The following MTCL1 variants were observed in gnomAD, a reference collection of about 807,000 sequenced individuals.
MTCL1 encodes the protein microtubule cross-linking factor 1.
Under a neutral mutation model 141.4 loss-of-function variants are expected in MTCL1, and 79 were observed. That is an observed-to-expected ratio of 0.56 (90% confidence interval 0.47 to 0.67). MTCL1 has a LOEUF of 0.67. MTCL1 is among the 30% of genes least tolerant of loss of function. The pLI, the probability that MTCL1 is intolerant of heterozygous loss-of-function variation, is 0.00. For synonymous variants in MTCL1, 914 were observed against 875.8 expected (o/e 1.04, Z -0.77); for missense variants, 2,177 against 2,113.9 (o/e 1.03, Z -0.59).
chr18:8,829,723 G>A (rs2077136535), intron 16 of MTCL1: 1 of 985,256 alleles, frequency 1.0e-6, no homozygotes, highest in Non-Finnish European at 1.2e-6. Context: ...ATGAAAAGAT[G>A]ACAGGGAACA....
At chr18:8,797,390 A>T (rs28378610) in intron 9 of MTCL1, among the ~76,000 whole-genome samples, 1,751 of 152,266 alleles carry the variant, frequency 0.011, 37 homozygotes, top group African/African-American at 0.04. Flanking sequence ...CAGAAGCGAG[A>T]TCTTTGCCTT....
At chr18:8,785,012 G>T (rs991827308) in intron 6 of MTCL1, among the ~76,000 whole-genome samples, 169 bp downstream of exon 5, 2 of 145,960 alleles carry the variant, frequency 1.4e-5, no homozygotes, top group African/African-American at 2.6e-5. Context: ...GTTGGGCTCC[G>T]TTTTTTTTGT....
intron 2 of MTCL1, 135 bp from the exon 2 acceptor site, chr18:8,718,289 C>T: frequency 1.2e-6 from 1 of 807,800 alleles, no homozygotes; most frequent in Non-Finnish European, 2.0e-6. Context: ...GCCTGTCACC[C>T]AGGCGTGGCC....
At chr18:8,818,972 G>A (rs1338296774) in exon 13 of MTCL1, 3 of 1,602,780 alleles carry the variant, frequency 1.9e-6, no homozygotes, top group East Asian at 2.2e-5. Context: ...GTTGCAGAAA[G>A]AGAACAGTCC....
rs117576302 is a variant in MTCL1, at chr18:8,827,626, G to A, written c.4723-1282G>A. On this transcript the variant is annotated intron_variant, in intron 15 of 16. Transcript: ENST00000359865. ...GGGTCCTCAGGTAAGTCCTCCTGCC[G>A]TGGAACGGTCTGTTTATATGTGAGT... Among the ~76,000 whole-genome samples, 622 of 152,290 alleles carry A rather than the reference G, an allele frequency of 4.1e-3. 5 individuals carry two copies. Among genetic ancestry groups the A allele is most frequent in the Non-Finnish European group, 7.3e-3 (497 of 68,032 alleles).
chr18:8,784,224 T>C, exon 6 of MTCL1: 6 of 1,610,822 alleles, frequency 3.7e-6, no homozygotes, highest in Non-Finnish European at 5.1e-6. Context: ...CGCTGCGACC[T>C]GGCAGCCCAC....
At chr18:8,803,838 T>C (rs1460208151) in intron 10 of MTCL1, among the ~76,000 whole-genome samples, 1 of 152,218 alleles carries the variant, frequency 6.6e-6, no homozygotes, top group African/African-American at 2.4e-5. Context: ...CAAAAAGTAC[T>C]TGCTTCCAGA....
chr18:8,806,760 C>A, intron 10 of MTCL1, 133 bp from the exon 10 acceptor site: 12 of 740,956 alleles, frequency 1.6e-5, no homozygotes, highest in Non-Finnish European at 2.3e-5. Context: ...AGACTCCCCA[C>A]CCACCCTGCA....
chr18:8,783,419 C>G (rs966398254), intron 5 of MTCL1, 111 bp from the exon 5 acceptor site: 1 of 994,674 alleles, frequency 1.0e-6, no homozygotes, highest in East Asian at 2.6e-5. Context: ...ATGGGAAGAT[C>G]GGTGTTTGAT....
At chr18:8,829,625 T>A in intron 16 of MTCL1, 1 of 985,336 alleles carries the variant, frequency 1.0e-6, no homozygotes, top group Non-Finnish European at 1.2e-6. Flanking sequence ...TACTTTTTGA[T>A]CAAGGATATA....
intron 7 of MTCL1, 50 bp downstream of exon 6, chr18:8,786,141 T>C: frequency 1.4e-6 from 2 of 1,433,710 alleles, no homozygotes; most frequent in Non-Finnish European, 1.9e-6. Flanking sequence ...CTCCTTTTTC[T>C]GTGTGGCTGG....
chr18:8,774,360 T>TC (rs2096496890), intron 4 of MTCL1, among the ~76,000 whole-genome samples: 1 of 152,182 alleles, frequency 6.6e-6, no homozygotes, highest in African/African-American at 2.4e-5. Context: ...TACAAGGTCT[T>TC]CCCATTAGGC....
chr18:8,718,698 T>C, intron 3 of MTCL1, 50 bp downstream of exon 2: 4 of 1,542,770 alleles, frequency 2.6e-6, no homozygotes, highest in Non-Finnish European at 3.6e-6. Flanking sequence ...GTGGACCGGC[T>C]GGCCACATGC....
intron 5 of MTCL1, among the ~76,000 whole-genome samples, chr18:8,778,901 C>A (rs2096522818): frequency 1.3e-5 from 2 of 152,194 alleles, no homozygotes; most frequent in Non-Finnish European, 2.9e-5. Context: ...GAGTTGCATT[C>A]GCCCTGAGGG....
At chr18:8,720,608 C>T (rs1429620127) in intron 4 of MTCL1, 112 bp downstream of exon 3, 3 of 1,048,668 alleles carry the variant, frequency 2.9e-6, no homozygotes, top group Non-Finnish European at 4.1e-6. Flanking sequence ...AAATCGTGGC[C>T]TGTTTGTTTG....
intron 1 of MTCL1, 21 bp downstream of exon 1, chr18:8,706,734 A>C: frequency 6.5e-7 from 1 of 1,543,450 alleles, no homozygotes; most frequent in Non-Finnish European, 8.7e-7. Flanking sequence ...CCTCGGCCGC[A>C]GGTGTCCCGG....
chr18:8,778,301 A>T (rs1449364350), intron 5 of MTCL1, among the ~76,000 whole-genome samples: 7 of 152,266 alleles, frequency 4.6e-5, no homozygotes. Context: ...TTAAATGTGC[A>T]AGCTGAACGA....
intron 4 of MTCL1, among the ~76,000 whole-genome samples, chr18:8,762,522 G>C (rs1452895194): frequency 1.3e-5 from 2 of 152,274 alleles, no homozygotes; most frequent in Admixed American, 1.3e-4. Context: ...GGGTGATGGA[G>C]TCTTCCTTGG....
intron 3 of MTCL1, among the ~76,000 whole-genome samples, chr18:8,719,600 T>TC (rs1011051983): frequency 1.3e-5 from 2 of 152,214 alleles, no homozygotes; most frequent in Non-Finnish European, 2.9e-5. Flanking sequence ...TCTTGCTCTG[T>TC]CACCCAGGCT....
Sources: allele counts gnomAD v4.1 joint callset (sites outside exome capture counted in the v4.1 genomes callset), GRCh38; gene constraint gnomAD v4.1.1; transcripts MANE v1.5; gene names NCBI Gene and HGNC (gene_info 2026-07-23, HGNC 2026-07-21).